Variants in KCNH5 observed in about 807,000 individuals in gnomAD.
KCNH5 encodes voltage-gated delayed rectifier potassium channel KCNH5.
KCNH5 carries 46 observed loss-of-function variants against 96.1 expected under a neutral mutation model. The observed-to-expected ratio is 0.48, with a 90% CI of 0.38 to 0.61. The LOEUF (loss-of-function observed/expected upper bound fraction) is 0.61, where lower values mean the gene tolerates loss of function less well. Among genes scored for constraint, KCNH5 ranks in the 20% least tolerant of loss-of-function variants. KCNH5 has a pLI of 0.00. For synonymous variants in KCNH5, 439 were observed against 449.8 expected (o/e 0.98, Z 0.30); for missense variants, 907 against 1,225.8 (o/e 0.74, Z 3.88).
At chr14:62,731,666 T>C (rs1330325694) in intron 10 of KCNH5, among the ~76,000 whole-genome samples, 1 of 152,238 alleles carries the variant, frequency 6.6e-6, no homozygotes, top group Non-Finnish European at 1.5e-5. Flanking sequence ...ACCTGAACTT[T>C]ATGAAATAGT....
At chr14:62,916,921 T>A (rs192998401) in intron 7 of KCNH5, among the ~76,000 whole-genome samples, 1 of 152,336 alleles carries the variant, frequency 6.6e-6, no homozygotes, top group Admixed American at 6.5e-5. Flanking sequence ...ACCAAGGCAA[T>A]TTTTTAACAA....
intron 8 of KCNH5, among the ~76,000 whole-genome samples, chr14:62,816,627 A>T (rs560319052): frequency 9.9e-5 from 15 of 152,060 alleles, no homozygotes; most frequent in South Asian, 2.1e-4. Context: ...AAGTATAGTT[A>T]TTTAAATATT....
At chr14:63,028,390 T>C (rs1891563962) in intron 1 of KCNH5, among the ~76,000 whole-genome samples, 1 of 152,106 alleles carries the variant, frequency 6.6e-6, no homozygotes, top group Admixed American at 6.6e-5. Context: ...TCCTACTCTA[T>C]GCTAGGTATT....
At position 62,708,345 on chromosome 14, in the gene KCNH5, G is replaced by A. The variant is rs1208483577; in HGVS notation, c.2130C>T (p.Phe710=). 1 of 1,614,068 alleles carries A rather than the reference G, an allele frequency of 6.2e-7. No individual in the cohort carries two copies. The highest frequency in any genetic ancestry group is 1.7e-5 in the Admixed American group (1 of 60,008). ...GCTCCTTCTGCTGCTTGAACTTCTG[G>A]AAGAGCTTTCTGACTGGGTGGTCCA... ...IPVDHPVRKL[F]QKFKQQKELR... is the part of the protein sequence containing the mutation. Residue 710 remains phenylalanine, a synonymous_variant, in exon 11 of 11, where the codon TTC becomes TTT. Coordinates refer to ENST00000322893, the MANE Select transcript of KCNH5 (RefSeq NM_139318.5).
chr14:62,952,619 T>G (rs187210650), intron 6 of KCNH5, among the ~76,000 whole-genome samples: 1 of 152,238 alleles, frequency 6.6e-6, no homozygotes, highest in Non-Finnish European at 1.5e-5. Context: ...GACTTCTGTT[T>G]AAATACTGCA....
chr14:62,886,029 A>C (rs1468506782), intron 7 of KCNH5, among the ~76,000 whole-genome samples: 2 of 151,996 alleles, frequency 1.3e-5, no homozygotes, highest in Admixed American at 6.6e-5. Context: ...TGTTGCCAAC[A>C]CCTGTCTGTT....
At chr14:62,805,075 GAA>G (rs1886738256) in intron 8 of KCNH5, among the ~76,000 whole-genome samples, 1 of 152,024 alleles carries the variant, frequency 6.6e-6, no homozygotes, top group Non-Finnish European at 1.5e-5. Flanking sequence ...CTAGAAGAAC[GAA>G]AAAATTTAAA....
intron 10 of KCNH5, among the ~76,000 whole-genome samples, 200 bp from the exon 11 acceptor site, chr14:62,708,655 C>T (rs979394806): frequency 7.9e-5 from 12 of 152,052 alleles, no homozygotes; most frequent in African/African-American, 2.7e-4. Context: ...GGCTTAAACC[C>T]AACATAGAAA....
chr14:62,737,194 A>G (rs1885176805), intron 10 of KCNH5, among the ~76,000 whole-genome samples: 1 of 152,074 alleles, frequency 6.6e-6, no homozygotes, highest in Non-Finnish European at 1.5e-5. Flanking sequence ...CATTTTACTT[A>G]TTTGTTTTTC....
At chr14:62,863,588 G>T (rs1227456493) in intron 7 of KCNH5, among the ~76,000 whole-genome samples, 1 of 152,194 alleles carries the variant, frequency 6.6e-6, no homozygotes, top group Non-Finnish European at 1.5e-5. Flanking sequence ...ACCAAGTATA[G>T]ATTAAAAGTT....
chr14:63,006,513 G>A (rs199895243), intron 2 of KCNH5, 41 bp from the exon 3 acceptor site: 1 of 1,188,540 alleles, frequency 8.4e-7, no homozygotes, highest in South Asian at 1.2e-5. Context: ...TCACTTTTGT[G>A]TTGCCTTTCA....
chr14:62,785,569 A>G lies in KCNH5; in HGVS notation c.1823-5645T>C, dbSNP rs187921311. 2.6e-3 allele frequency among the ~76,000 whole-genome samples: 391 copies of G among 152,324 alleles called. 2 individuals are homozygous for G. Among genetic ancestry groups the G allele is most frequent in the African/African-American group, 8.8e-3 (364 of 41,568 alleles). Reference sequence around the variant, plus strand: ...CCTCAAAGTACTAAAATTAGTAGAAAGCTTGTGCTAAACATGAAAGTTGTT... The same window carrying G: ...CCTCAAAGTACTAAAATTAGTAGAAGGCTTGTGCTAAACATGAAAGTTGTT... On this transcript the variant is annotated intron_variant, in intron 9 of 10. Transcript: ENST00000322893.
Position 62,821,694 on chromosome 14 carries a change from T to C in KCNH5, c.1570-19113A>G, listed in dbSNP as rs534004711. ...ATTCAGACATAATTTTCATTATCCATAAAAATAGCCATGAATATCAGAATA... is the reference window on the plus strand; with the variant it reads ...ATTCAGACATAATTTTCATTATCCACAAAAATAGCCATGAATATCAGAATA... On this transcript the variant is annotated intron_variant, in intron 8 of 10. Transcript: ENST00000322893. Among the ~76,000 whole-genome samples the C allele has an allele frequency of 3.9e-5, 6 of 152,204 alleles. No homozygotes were observed. In the South Asian group the frequency reaches 6.2e-4, roughly 16 times the overall value.
At chr14:62,820,807 A>G (rs1219521588) in intron 8 of KCNH5, among the ~76,000 whole-genome samples, 1 of 152,110 alleles carries the variant, frequency 6.6e-6, no homozygotes, top group Non-Finnish European at 1.5e-5. Context: ...ATATACATGC[A>G]TGTGTCTTCC....
intron 7 of KCNH5, among the ~76,000 whole-genome samples, chr14:62,859,929 G>C (rs1348953394): frequency 1.3e-5 from 2 of 152,210 alleles, no homozygotes; most frequent in African/African-American, 2.4e-5. Context: ...CAGGGTGGCA[G>C]GAATGGAGAC....
At chr14:62,866,728 T>C (rs1414346836) in intron 7 of KCNH5, among the ~76,000 whole-genome samples, 2 of 152,116 alleles carry the variant, frequency 1.3e-5, no homozygotes, top group African/African-American at 4.8e-5. Context: ...TTACAGGTGC[T>C]TTCAAGTTCC....
At chr14:62,914,908 CAT>C (rs765506838) in intron 7 of KCNH5, among the ~76,000 whole-genome samples, 6 of 152,244 alleles carry the variant, frequency 3.9e-5, no homozygotes, top group Non-Finnish European at 7.3e-5. Context: ...ATTTCTCAAA[CAT>C]AAATTATCAG....
In KCNH5 at chr14:62,715,941, C is replaced by T. The variant is rs1374905639; in HGVS notation, c.2020-7486G>A. 2.0e-5 allele frequency among the ~76,000 whole-genome samples: 3 copies of T among 152,132 alleles called. No homozygotes were observed. The South Asian group carries it at 6.2e-4, about 32-fold the overall frequency. On this transcript the variant is annotated intron_variant, in intron 10 of 10. Coordinates refer to ENST00000322893, the MANE Select transcript of KCNH5 (RefSeq NM_139318.5). ...TAATGTAAGAAGGATTAGTATGATG[C>T]AAATGCAAAAGATTCTAGGATTACT...
intron 7 of KCNH5, among the ~76,000 whole-genome samples, chr14:62,909,084 C>T (rs1189719419): frequency 8.8e-6 from 1 of 113,090 alleles, no homozygotes; most frequent in Non-Finnish European, 1.7e-5. Context: ...CTCGCTCTGT[C>T]GCCCAGGCTG....
Sources: gnomAD v4.1 joint callset for allele counts (sites outside exome capture counted in the v4.1 genomes callset) on GRCh38, gnomAD v4.1.1 for gene constraint, MANE v1.5 for transcripts, NCBI Gene and HGNC (gene_info 2026-07-23, HGNC 2026-07-21) for gene names.